Variants in FOXN3 observed in about 807,000 individuals in gnomAD.
FOXN3 encodes forkhead box N3.
In FOXN3, 7 loss-of-function variants were observed where a neutral mutation model predicts 38.4. The observed-to-expected ratio is 0.18, with a 90% CI of 0.10 to 0.34. The LOEUF (loss-of-function observed/expected upper bound fraction) is 0.34, where lower values mean the gene tolerates loss of function less well. FOXN3 is among the 10% of genes least tolerant of loss of function. FOXN3 has a pLI of 1.00. For missense variants in FOXN3, 456 were observed against 613.4 expected (o/e 0.74, Z 2.71); for synonymous variants, 230 against 242.2 (o/e 0.95, Z 0.47).
intron 1 of FOXN3, among the ~76,000 whole-genome samples, chr14:89,616,881 G>A (rs1896506082): frequency 6.6e-6 from 1 of 152,114 alleles, no homozygotes; most frequent in African/African-American, 2.4e-5. Flanking sequence ...TGAAATCTAG[G>A]AGACCACATT....
intron 1 of FOXN3, among the ~76,000 whole-genome samples, chr14:89,553,698 G>A (rs1445088255): frequency 1.3e-5 from 2 of 152,038 alleles, no homozygotes; most frequent in African/African-American, 4.8e-5. Flanking sequence ...TCAGGGAAAG[G>A]GAATATCTAG....
chr14:89,236,658 A>G (rs1355723678), intron 4 of FOXN3, among the ~76,000 whole-genome samples: 1 of 152,202 alleles, frequency 6.6e-6, no homozygotes, highest in Non-Finnish European at 1.5e-5. Flanking sequence ...TTTGTTCCCA[A>G]TTTGCACATG....
intron 5 of FOXN3, among the ~76,000 whole-genome samples, chr14:89,177,269 C>T (rs992658694): frequency 2.0e-5 from 3 of 152,096 alleles, no homozygotes; most frequent in Admixed American, 6.5e-5. Flanking sequence ...CCTCGGCCTC[C>T]CAAAGTGCTG....
chr14:89,162,344 A>G lies in FOXN3; in HGVS notation c.*70T>C. On this transcript the variant is annotated 3_prime_UTR_variant, in exon 6 of 6. Coordinates refer to ENST00000557258, the MANE Select transcript of FOXN3 (RefSeq NM_005197.4). This position sits in a 1 kb window ranked among gnomAD's most constrained non-coding sequence, Gnocchi z 7.2. The stretch of plus-strand genomic sequence containing the variant: ...AAAAAAAATTGCTGATATTGCCACA[A>G]ATCATTAGAAATCTCCTGACATGCT... The G allele has an allele frequency of 7.6e-7, 1 of 1,312,892 alleles. No individual in the cohort carries two copies. 81.3% of individuals were successfully genotyped at this position (1,312,892 alleles called of 1,614,324 possible).
chr14:89,279,262 T>TG lies in FOXN3; in HGVS notation c.745+1687dup, dbSNP rs930862522. 1.1e-3 allele frequency among the ~76,000 whole-genome samples: 166 copies of TG among 152,324 alleles called. 1 individual carries two copies. The highest frequency in any genetic ancestry group is 3.8e-3 in the African/African-American group (157 of 41,578). ...TTTAATTCACAGTTCCTAGAGCAAC[T>TG]GGGGGAATTTGTAACCCTATCAGGA... On this transcript the variant is annotated intron_variant, in intron 4 of 5. Transcript: ENST00000557258.
intron 1 of FOXN3, among the ~76,000 whole-genome samples, chr14:89,487,846 TG>T (rs35965168): frequency 2.0e-5 from 3 of 151,336 alleles, no homozygotes; most frequent in African/African-American, 4.9e-5. Context: ...GGGTGAGGAG[TG>T]GGGGGTGCCA....
At chr14:89,564,157 GA>G (rs1895302508) in intron 1 of FOXN3, among the ~76,000 whole-genome samples, 1 of 152,042 alleles carries the variant, frequency 6.6e-6, no homozygotes, top group South Asian at 2.1e-4. Context: ...GCCTGGCCCA[GA>G]AGGTGAATTT....
At chr14:89,247,685 C>A (rs896702166) in intron 4 of FOXN3, among the ~76,000 whole-genome samples, 3 of 152,162 alleles carry the variant, frequency 2.0e-5, no homozygotes, top group Non-Finnish European at 4.4e-5. Flanking sequence ...CCACACATAA[C>A]CCCTGTTCCC....
At chr14:89,583,626 T>A (rs1895788792) in intron 1 of FOXN3, among the ~76,000 whole-genome samples, 2 of 152,180 alleles carry the variant, frequency 1.3e-5, no homozygotes, top group South Asian at 4.1e-4. Flanking sequence ...AGTGGCACCA[T>A]CTCATCTCAC....
chr14:89,492,359 T>C (rs1483901334), intron 1 of FOXN3, among the ~76,000 whole-genome samples: 2 of 62,926 alleles, frequency 3.2e-5, no homozygotes, highest in African/African-American at 1.2e-4. Context: ...ACCCCAAAGA[T>C]GGGTCTTAAA....
chr14:89,370,804 G>A (rs11624385), intron 2 of FOXN3, among the ~76,000 whole-genome samples: 2 of 152,192 alleles, frequency 1.3e-5, no homozygotes, highest in African/African-American at 4.8e-5. Context: ...ATGGCCCGTA[G>A]GGTCCATCTA....
chr14:89,234,150 A>G (rs956877802), intron 4 of FOXN3, among the ~76,000 whole-genome samples: 21 of 152,224 alleles, frequency 1.4e-4, no homozygotes, highest in South Asian at 6.2e-4. Context: ...GGAGAACCCA[A>G]CGAAATTCCT....
intron 1 of FOXN3, among the ~76,000 whole-genome samples, chr14:89,514,454 C>T (rs149414313): frequency 6.6e-6 from 1 of 152,260 alleles, no homozygotes; most frequent in African/African-American, 2.4e-5. Flanking sequence ...AACGTTACCT[C>T]GATTAAGTGC....
At chr14:89,595,261 C>T (rs1051631248) in intron 1 of FOXN3, among the ~76,000 whole-genome samples, 1 of 151,700 alleles carries the variant, frequency 6.6e-6, no homozygotes, top group Non-Finnish European at 1.5e-5. Flanking sequence ...GGAGGCGGAG[C>T]TTGCAGTGAG....
intron 4 of FOXN3, among the ~76,000 whole-genome samples, chr14:89,259,775 A>C (rs1380667139): frequency 6.6e-6 from 1 of 152,216 alleles, no homozygotes; most frequent in Non-Finnish European, 1.5e-5. Flanking sequence ...CTTTGGGGTC[A>C]ACTCCCCCGA....
intron 1 of FOXN3, among the ~76,000 whole-genome samples, chr14:89,527,023 T>G (rs1894444909): frequency 6.7e-6 from 1 of 149,476 alleles, no homozygotes; most frequent in African/African-American, 2.5e-5. Flanking sequence ...TTTATTTTAT[T>G]GAGGACAGGA....
chr14:89,552,145 T>C (rs1895016938), intron 1 of FOXN3, among the ~76,000 whole-genome samples: 2 of 152,198 alleles, frequency 1.3e-5, no homozygotes, highest in African/African-American at 2.4e-5. Context: ...GTTGCTTCCA[T>C]AGTACATGAT....
intron 1 of FOXN3, among the ~76,000 whole-genome samples, chr14:89,598,449 T>A (rs901246496): frequency 6.6e-6 from 1 of 152,136 alleles, no homozygotes; most frequent in African/African-American, 2.4e-5. Context: ...TATTTATTCA[T>A]TTATTTTTAT....
chr14:89,407,286 A>G (rs777033031), intron 2 of FOXN3, among the ~76,000 whole-genome samples: 15 of 152,198 alleles, frequency 9.9e-5, no homozygotes, highest in Non-Finnish European at 2.1e-4. Context: ...AAAAGGAAAG[A>G]GGGCATAGGA....
Sources: allele counts gnomAD v4.1 joint callset (sites outside exome capture counted in the v4.1 genomes callset), GRCh38; gene constraint gnomAD v4.1.1; non-coding constraint Gnocchi (gnomAD v3.1); transcripts MANE v1.5; gene names NCBI Gene and HGNC (gene_info 2026-07-23, HGNC 2026-07-21).